TMC1: variants seen among roughly 807,000 people sequenced by gnomAD.
The protein encoded by TMC1 is transmembrane channel-like protein 1.
TMC1 carries 84 observed loss-of-function variants against 105.8 expected under a neutral mutation model. The observed-to-expected ratio is 0.79, with a 90% CI of 0.67 to 0.95. The LOEUF (loss-of-function observed/expected upper bound fraction) is 0.95, where lower values mean the gene tolerates loss of function less well. Among genes scored for constraint, TMC1 ranks in the 40% least tolerant of loss-of-function variants. The probability of loss-of-function intolerance (pLI) is 0.00; values close to 1 mark genes in which losing one functional copy is unlikely to be tolerated. For missense variants in TMC1, 817 were observed against 914.1 expected (o/e 0.89, Z 1.37); for synonymous variants, 315 against 311.5 (o/e 1.01, Z -0.12).
At chr9:72,716,637 C>T (rs1185242410) in intron 8 of TMC1, among the ~76,000 whole-genome samples, 5 of 152,150 alleles carry the variant, frequency 3.3e-5, no homozygotes, top group East Asian at 3.9e-4. Context: ...CATGCCAGAT[C>T]GAGCTCAGAT....
intron 2 of TMC1, among the ~76,000 whole-genome samples, chr9:72,612,494 A>G (rs1243741706): frequency 6.7e-6 from 1 of 149,454 alleles, no homozygotes; most frequent in Non-Finnish European, 1.5e-5. Context: ...TTTTTTTTGT[A>G]AAAAGCCAGG....
chr9:72,615,448 T>C (rs1472023726), intron 2 of TMC1, among the ~76,000 whole-genome samples: 1 of 152,216 alleles, frequency 6.6e-6, no homozygotes, highest in Non-Finnish European at 1.5e-5. Flanking sequence ...AAAGATAATT[T>C]TGAGGGCATT....
At chr9:72,594,871 T>TCTTC (rs397807209) in intron 2 of TMC1, among the ~76,000 whole-genome samples, 1 of 140,044 alleles carries the variant, frequency 7.1e-6, no homozygotes, top group Non-Finnish European at 1.5e-5. Context: ...TTCTTCTTCT[T>TCTTC]TTTTTTTTTT....
chr9:72,647,400 T>C (rs907207120), intron 4 of TMC1, among the ~76,000 whole-genome samples: 54 of 152,274 alleles, frequency 3.5e-4, no homozygotes, highest in African/African-American at 1.3e-3. Context: ...TATTTAGAGT[T>C]ATTTTATATA....
In TMC1 at chr9:72,640,111, G is replaced by T. The variant is rs188420525; in HGVS notation, c.-52-8486G>T. 3.9e-5 allele frequency among the ~76,000 whole-genome samples: 6 copies of T among 152,208 alleles called. No individual in the cohort carries two copies. In the East Asian group the frequency reaches 1.2e-3, roughly 29 times the overall value. ...AGAAAAAGCACTTGATACATGTTTG[G>T]TAATGTCTTTGTGACTGTCATTTTT... On this transcript the variant is annotated intron_variant, in intron 4 of 23. Coordinates refer to ENST00000297784, the MANE Select transcript of TMC1 (RefSeq NM_138691.3).
rs192363278 is a variant in TMC1, at chr9:72,695,747, A to T, written c.236+1033A>T. 3.0e-3 allele frequency among the ~76,000 whole-genome samples: 460 copies of T among 152,286 alleles called. 6 individuals carry two copies. Among genetic ancestry groups the T allele is most frequent in the African/African-American group, 0.011 (446 of 41,568 alleles). On this transcript the variant is annotated intron_variant, in intron 7 of 23. Transcript: ENST00000297784. ...TAGAGAAGCTTAGCATTAACAAAAA[A>T]TGGTTTCTTTTAGAATAAGAATAAC...
intron 4 of TMC1, 58 bp downstream of exon 4, chr9:72,628,121 T>C (rs949172816): frequency 6.6e-6 from 3 of 454,868 alleles, no homozygotes; most frequent in African/African-American, 6.0e-5. Flanking sequence ...TGTACTGGCC[T>C]TTCACATGCT....
At chr9:72,788,246 G>T in intron 13 of TMC1, 93 bp from the exon 14 acceptor site, 4 of 1,348,788 alleles carry the variant, frequency 3.0e-6, no homozygotes, top group Admixed American at 1.7e-5. Context: ...TTTTGCTATT[G>T]CTTCTCCACT....
intron 4 of TMC1, among the ~76,000 whole-genome samples, chr9:72,629,075 T>A (rs1825403038): frequency 6.6e-6 from 1 of 152,230 alleles, no homozygotes; most frequent in African/African-American, 2.4e-5. Flanking sequence ...TTACCTATGT[T>A]CATTTTCTCT....
chr9:72,665,805 G>A (rs1826033951), intron 5 of TMC1, among the ~76,000 whole-genome samples: 1 of 152,212 alleles, frequency 6.6e-6, no homozygotes, highest in South Asian at 2.1e-4. Flanking sequence ...TGTATATTTA[G>A]ATGTAGGTGA....
intron 5 of TMC1, among the ~76,000 whole-genome samples, chr9:72,660,851 G>T (rs1825959908): frequency 6.6e-6 from 1 of 152,046 alleles, no homozygotes; most frequent in Non-Finnish European, 1.5e-5. Context: ...TTTCATTTTA[G>T]CTTGCATTCA....
intron 3 of TMC1, among the ~76,000 whole-genome samples, chr9:72,619,904 G>A (rs917586404): frequency 4.0e-5 from 6 of 151,322 alleles, no homozygotes; most frequent in African/African-American, 1.2e-4. Flanking sequence ...GTGTGATCTC[G>A]GCTCACTGCA....
chr9:72,738,135 A>C lies in TMC1; in HGVS notation c.363-1984A>C, dbSNP rs1449830848. ...CTCCCTGTGGTCAATGCAATGGTCA[A>C]TGCTATGGAAGTTACAACAAGACAA... On this transcript the variant is annotated intron_variant, in intron 8 of 23. Transcript: ENST00000297784. Among the ~76,000 whole-genome samples, 50 of 152,190 alleles carry C rather than the reference A, an allele frequency of 3.3e-4. 1 individual carries two copies. Among genetic ancestry groups the C allele is most frequent in the Non-Finnish European group, 2.4e-4 (16 of 68,044 alleles).
intron 12 of TMC1, among the ~76,000 whole-genome samples, chr9:72,761,547 C>T (rs1827755242): frequency 6.6e-6 from 1 of 152,128 alleles, no homozygotes; most frequent in South Asian, 2.1e-4. Context: ...GGAGAGGAGA[C>T]TTAACACCTA....
At chr9:72,640,127 T>C (rs1825601849) in intron 4 of TMC1, among the ~76,000 whole-genome samples, 2 of 152,360 alleles carry the variant, frequency 1.3e-5, no homozygotes, top group South Asian at 4.1e-4. Flanking sequence ...TCTTTGTGAC[T>C]GTCATTTTTA....
intron 13 of TMC1, among the ~76,000 whole-genome samples, chr9:72,787,553 A>G (rs896615594): frequency 1.3e-5 from 2 of 152,028 alleles, no homozygotes; most frequent in Non-Finnish European, 2.9e-5. Context: ...AGTGAAAGGG[A>G]AAAAAGGAAG....
intron 17 of TMC1, among the ~76,000 whole-genome samples, chr9:72,798,648 G>T (rs1285824399): frequency 6.6e-6 from 1 of 151,992 alleles, no homozygotes; most frequent in Admixed American, 6.6e-5. Flanking sequence ...ACTCATGAAC[G>T]CAAAGAAGGA....
At chr9:72,576,290 A>C (rs1194558610) in intron 1 of TMC1, among the ~76,000 whole-genome samples, 7 of 151,852 alleles carry the variant, frequency 4.6e-5, no homozygotes, top group African/African-American at 1.7e-4. Flanking sequence ...CACCATAAAT[A>C]CTCTCAGCTT....
At chr9:72,703,262 G>A (rs1194704899) in intron 8 of TMC1, among the ~76,000 whole-genome samples, 4 of 151,966 alleles carry the variant, frequency 2.6e-5, no homozygotes, top group Non-Finnish European at 5.9e-5. Context: ...ACGTACCTGG[G>A]ACTATATGTG....
Sources: gnomAD v4.1 joint callset for allele counts (sites outside exome capture counted in the v4.1 genomes callset) on GRCh38, gnomAD v4.1.1 for gene constraint, MANE v1.5 for transcripts, NCBI Gene and HGNC (gene_info 2026-07-23, HGNC 2026-07-21) for gene names.